Variants in CCL22 observed in about 807,000 individuals in gnomAD.
The protein encoded by CCL22 is C-C motif chemokine 22.
CCL22 carries 7 observed loss-of-function variants against 7.6 expected under a neutral mutation model. That is an observed-to-expected ratio of 0.92 (90% CI 0.52 to 1.72). The LOEUF (loss-of-function observed/expected upper bound fraction) is 1.72. Ranked by LOEUF, CCL22 falls within the 40% of genes most tolerant of loss-of-function variation. CCL22 has a pLI of 0.00. For synonymous variants in CCL22, 55 were observed against 47.2 expected (o/e 1.17, Z -0.68); for missense variants, 115 against 124.7 (o/e 0.92, Z 0.37).
intron 1 of CCL22, among the ~76,000 whole-genome samples, chr16:57,359,906 T>G (rs1264911724): frequency 6.6e-6 from 1 of 152,216 alleles, no homozygotes; most frequent in African/African-American, 2.4e-5. Flanking sequence ...GTGTTAGGAT[T>G]ACAGGCGTGA....
rs1378862025 is a variant in CCL22 at position 57,364,504 on chromosome 16, G to A, written c.*916G>A. 7.0e-6 allele frequency: 1 copy of A among 143,794 alleles called. No individual in the cohort carries two copies. The allele number at this position is 143,794 out of a possible 1,614,324, so 8.9% of individuals were successfully genotyped here. A position where few individuals can be genotyped will look rare whatever the true frequency, so the allele number is the denominator to read the frequency against. ...TTTTTTTTTTTTTTTTTGAGATGGA[G>A]TTTCGCTCTTGTCACCCACGCTGGA... is the stretch of plus-strand genomic sequence containing the variant. On this transcript the variant is annotated 3_prime_UTR_variant, in exon 3 of 3. Transcript: ENST00000219235.
At chr16:57,358,082 T>C (rs1902006896), upstream of CCL22, among the ~76,000 whole-genome samples, 2 of 151,534 alleles carry the variant, frequency 1.3e-5, no homozygotes, top group African/African-American at 4.9e-5. Context: ...GCAGGAACAG[T>C]GGGGTTGGAG....
At position 57,363,573 on chromosome 16, in the gene CCL22, T is replaced by A; in HGVS notation, c.267T>A (p.Asn89Lys). The change falls in exon 3 of 3, where the codon AAT (asparagine) becomes AAA (lysine). Residue 89 changes from asparagine (N) to lysine (K), a missense_variant. Physicochemically the swap from Asn to Lys is moderately conservative, Grantham distance 94. Coordinates refer to ENST00000219235, the MANE Select transcript of CCL22 (RefSeq NM_002990.5). ...PRVPWVKMILNKLSQ is the reference protein window; with the variant it reads ...PRVPWVKMILKKLSQ ...TGCCCTGGGTGAAGATGATTCTCAA[T>A]AAGCTGAGCCAATGAAGAGCCTACT... 1.2e-6 allele frequency: 2 copies of A among 1,612,888 alleles called. No individual in the cohort carries two copies. Among genetic ancestry groups the A allele is most frequent in the Non-Finnish European group, 1.7e-6 (2 of 1,178,948 alleles).
chr16:57,361,044 G>T (rs1474336843), intron 2 of CCL22, among the ~76,000 whole-genome samples: 2 of 152,154 alleles, frequency 1.3e-5, no homozygotes, highest in African/African-American at 2.4e-5. Flanking sequence ...CAGATCACTT[G>T]AGGTCAGGAG....
chr16:57,360,218 C>T (rs765698679), intron 1 of CCL22, among the ~76,000 whole-genome samples: 4 of 152,254 alleles, frequency 2.6e-5, no homozygotes, highest in Non-Finnish European at 4.4e-5. Context: ...CTAGAGCTGA[C>T]TGTCCCAGAG....
chr16:57,364,800 C>CG lies in CCL22; in HGVS notation c.*1212_*1213insG, dbSNP rs1567550225. 2.3e-5 allele frequency: 2 copies of CG among 86,758 alleles called. No individual in the cohort carries two copies. The highest frequency in any genetic ancestry group is 4.8e-5 in the Non-Finnish European group (2 of 41,868). The allele number at this position is 86,758 out of a possible 1,614,324, so 5.4% of individuals were successfully genotyped here. A position where few individuals can be genotyped will look rare whatever the true frequency, so the allele number is the denominator to read the frequency against. On this transcript the variant is annotated 3_prime_UTR_variant, in exon 3 of 3. Transcript: ENST00000219235. ...GGCCTCTTCCCTCTCCCCACCCCCC[C>CG]CCCAACTTTTTTTTTTTTTTATGGC...
Position 57,363,679 on chromosome 16 carries a change from C to G in CCL22, c.*91C>G, listed in dbSNP as rs974388884. ...CATTATAGCTGCTCCCCGCCAGAAGCCTGTGCCAACTCTCTGCATTCCCTG... is the reference window on the plus strand; with the variant it reads ...CATTATAGCTGCTCCCCGCCAGAAGGCTGTGCCAACTCTCTGCATTCCCTG... On this transcript the variant is annotated 3_prime_UTR_variant, in exon 3 of 3. Coordinates refer to ENST00000219235, the MANE Select transcript of CCL22 (RefSeq NM_002990.5). 16 of 787,656 alleles carry G rather than the reference C, an allele frequency of 2.0e-5. No individual in the cohort carries two copies. In the African/African-American group the frequency reaches 2.4e-4, roughly 12 times the overall value. The allele number at this position is 787,656 out of a possible 1,614,324, so 48.8% of individuals were successfully genotyped here.
chr16:57,362,318 T>A (rs1414237153), intron 2 of CCL22, among the ~76,000 whole-genome samples: 3 of 151,838 alleles, frequency 2.0e-5, no homozygotes, highest in Non-Finnish European at 2.9e-5. Context: ...CTGTCTTTAT[T>A]TCATTTTTTT....
intron 1 of CCL22, 74 bp from the exon 2 acceptor site, chr16:57,360,363 G>T: frequency 1.9e-6 from 3 of 1,581,652 alleles, no homozygotes; most frequent in Non-Finnish European, 2.6e-6. Context: ...TGGAGAGGCC[G>T]AGATCAGGGG....
At chr16:57,361,744 C>T (rs921234354) in intron 2 of CCL22, among the ~76,000 whole-genome samples, 4 of 152,176 alleles carry the variant, frequency 2.6e-5, no homozygotes, top group South Asian at 2.1e-4. Flanking sequence ...CCAAATCTCA[C>T]ACCTGGGGAG....
Position 57,360,558 on chromosome 16 carries a change from G to A in CCL22, c.195G>A (p.Val65=), listed in dbSNP as rs146972896. 99 of 1,614,102 alleles carry A rather than the reference G, an allele frequency of 6.1e-5. No homozygotes were observed. The African/African-American group carries it at 9.2e-4, about 15-fold the overall frequency. The part of the protein sequence containing the change: ...WTSDSCPRPG[V]VLLTFRDKEI... Reference sequence around the variant, plus strand: ...CAGACTCCTGCCCGAGGCCTGGCGTGGTGTGAGTAGGGAGCTGGGGCCACA... The same window carrying A: ...CAGACTCCTGCCCGAGGCCTGGCGTAGTGTGAGTAGGGAGCTGGGGCCACA... Residue 65 remains valine (V), a splice_region_variant and synonymous_variant, in exon 2 of 3, where the codon GTG becomes GTA. Coordinates refer to ENST00000219235, the MANE Select transcript of CCL22 (RefSeq NM_002990.5).
rs1902080211 is a variant in CCL22, at chr16:57,364,273, C to A, written c.*685C>A. The A allele has an allele frequency of 6.6e-6, 1 of 152,526 alleles. No individual in the cohort carries two copies. Among genetic ancestry groups the A allele is most frequent in the Non-Finnish European group, 1.5e-5 (1 of 68,310 alleles). 9.4% of individuals were successfully genotyped at this position (152,526 alleles called of 1,614,324 possible). ...GTTACTCTAGTCTCCAAGCCTCTAG[C>A]ATAGAGCACTGCAGACAGGCCCTGG... On this transcript the variant is annotated 3_prime_UTR_variant, in exon 3 of 3. Transcript: ENST00000219235.
rs1373362025 is a variant in CCL22 at position 57,363,552 on chromosome 16, C to G, written c.246C>G (p.Pro82=). The change falls in exon 3 of 3, where the codon CCC becomes CCG. Residue 82 remains proline, a synonymous_variant. Coordinates refer to ENST00000219235, the MANE Select transcript of CCL22 (RefSeq NM_002990.5). ...DKEICADPRV[P]WVKMILNKLS... is the part of the protein sequence containing the mutation. Reference sequence around the variant, plus strand: ...AGATCTGTGCCGATCCCAGAGTGCCCTGGGTGAAGATGATTCTCAATAAGC... The same window carrying G: ...AGATCTGTGCCGATCCCAGAGTGCCGTGGGTGAAGATGATTCTCAATAAGC... 1.9e-6 allele frequency: 3 copies of G among 1,613,784 alleles called. No individual in the cohort carries two copies. The highest frequency in any genetic ancestry group is 3.3e-5 in the Admixed American group (2 of 59,996).
At chr16:57,359,054 A>T (rs1043383664) in intron 1 of CCL22, among the ~76,000 whole-genome samples, 165 bp downstream of exon 1, 1 of 152,162 alleles carries the variant, frequency 6.6e-6, no homozygotes, top group Non-Finnish European at 1.5e-5. Context: ...CTCAGTTTAC[A>T]AGTCTGTTGA....
At chr16:57,361,752 G>A (rs170359) in intron 2 of CCL22, among the ~76,000 whole-genome samples, 120,206 of 151,996 alleles carry the variant, frequency 0.79, 51,083 homozygotes, top group Non-Finnish European at 0.95. Context: ...CACACCTGGG[G>A]AGGCTGGGTT....
intron 2 of CCL22, among the ~76,000 whole-genome samples, chr16:57,362,104 G>A (rs1902055714): frequency 1.3e-5 from 2 of 152,130 alleles, no homozygotes; most frequent in African/African-American, 2.4e-5. Context: ...TCACAGGTGA[G>A]GAAATGAGCA....
Position 57,365,003 on chromosome 16 carries a change from T to C in CCL22, c.*1415T>C, listed in dbSNP as rs1327396320. ...TTTTTAGTAGAGACAGGTTTCACCATATTGGCCAGGCTGGTCTTGAACTCC... is the reference window on the plus strand; with the variant it reads ...TTTTTAGTAGAGACAGGTTTCACCACATTGGCCAGGCTGGTCTTGAACTCC... On this transcript the variant is annotated 3_prime_UTR_variant, in exon 3 of 3. Transcript: ENST00000219235. The C allele has an allele frequency of 6.6e-6, 1 of 152,064 alleles. No individual in the cohort carries two copies. The highest frequency in any genetic ancestry group is 1.5e-5 in the Non-Finnish European group (1 of 68,064). 9.4% of individuals were successfully genotyped at this position (152,064 alleles called of 1,614,324 possible). A position where few individuals can be genotyped will look rare whatever the true frequency, so the allele number is the denominator to read the frequency against.
intron 2 of CCL22, among the ~76,000 whole-genome samples, chr16:57,362,017 C>T (rs1301264091): frequency 2.0e-5 from 3 of 152,126 alleles, no homozygotes; most frequent in African/African-American, 2.4e-5. Context: ...TAGGCTCTGC[C>T]GTAAGCACTT....
intron 2 of CCL22, among the ~76,000 whole-genome samples, chr16:57,361,194 G>A (rs1465379658): frequency 6.6e-6 from 1 of 150,534 alleles, no homozygotes. Context: ...GGAAGGTGGA[G>A]GTTGCAGTGA....
Sources: allele counts gnomAD v4.1 joint callset (sites outside exome capture counted in the v4.1 genomes callset), GRCh38; gene constraint gnomAD v4.1.1; transcripts MANE v1.5; gene names NCBI Gene and HGNC (gene_info 2026-07-23, HGNC 2026-07-21).